Variants in KRT18 observed in about 807,000 individuals in gnomAD.
KRT18 encodes the protein keratin 18, also known as keratin, type I cytoskeletal 18.
KRT18 carries 8 observed loss-of-function variants against 39.9 expected under a neutral mutation model. The observed-to-expected ratio is 0.20, with a 90% CI of 0.12 to 0.36. The LOEUF (loss-of-function observed/expected upper bound fraction) is 0.36, where lower values mean the gene tolerates loss of function less well. KRT18 is among the 10% of genes least tolerant of loss of function. The pLI is 1.00. For missense variants in KRT18, 396 were observed against 565.7 expected (o/e 0.70, Z 3.04); for synonymous variants, 194 against 227.8 (o/e 0.85, Z 1.33).
At chr12:52,950,673 T>G in intron 2 of KRT18, 77 bp from the exon 3 acceptor site, 2 of 1,488,574 alleles carry the variant, frequency 1.3e-6, no homozygotes, top group South Asian at 2.4e-5. Context: ...GCACAGAACT[T>G]CTCTTAGTAG....
chr12:52,952,785 G>A lies in KRT18; in HGVS notation c.1236G>A (p.Arg412=), dbSNP rs142940942. Residue 412 remains arginine, a synonymous_variant, in exon 7 of 7, where the codon CGG becomes CGA. Transcript: ENST00000388835. The part of the protein sequence containing the change: ...MQTIQKTTTR[R]IVDGKVVSET... ...CCATCCAAAAGACCACCACCCGCCG[G>A]ATAGTGGATGGCAAAGTGGTGTCTG... The A allele has an allele frequency of 6.2e-7, 1 of 1,613,108 alleles. No individual in the cohort carries two copies. Among genetic ancestry groups the A allele is most frequent in the Non-Finnish European group, 8.5e-7 (1 of 1,179,836 alleles).
intron 2 of KRT18, 70 bp from the exon 3 acceptor site, chr12:52,950,680 G>C: frequency 6.6e-7 from 1 of 1,506,314 alleles, no homozygotes; most frequent in Non-Finnish European, 9.1e-7. Context: ...ACTTCTCTTA[G>C]TAGGTGGCAT....
chr12:52,949,588 C>G lies in KRT18; in HGVS notation c.415C>G (p.Gln139Glu). Residue 139 changes from glutamine (Q) to glutamate (E), a missense_variant and splice_region_variant, in exon 1 of 7, where the codon CAG (glutamine) becomes GAG (glutamate). Physicochemically the swap from Gln to Glu is conservative, Grantham distance 29. Transcript: ENST00000388835. ...CAAGATCATCGAGGACCTGAGGGCT[C>G]AGGTAAGGGGTAGGAGGGACCTCAA... ...YFKIIEDLRAQIFANTVDNAR... is the reference protein window; with the variant it reads ...YFKIIEDLRAEIFANTVDNAR... 1 of 1,613,350 alleles carries G rather than the reference C, an allele frequency of 6.2e-7. No homozygotes were observed. Among genetic ancestry groups the G allele is most frequent in the Non-Finnish European group, 8.5e-7 (1 of 1,179,512 alleles).
At chr12:52,951,946 T>C in intron 5 of KRT18, 90 bp downstream of exon 5, 1 of 1,508,128 alleles carries the variant, frequency 6.6e-7, no homozygotes, top group Admixed American at 1.7e-5. Context: ...CCTCATATCA[T>C]GAGTTCCTTT....
chr12:52,951,898 G>C (rs1942497299), intron 5 of KRT18, 42 bp downstream of exon 5: 1 of 1,603,186 alleles, frequency 6.2e-7, no homozygotes, highest in Non-Finnish European at 8.5e-7. Context: ...TCCTTCACTT[G>C]GCCTCAGACC....
At chr12:52,952,062 G>T in intron 5 of KRT18, 57 bp from the exon 6 acceptor site, 1 of 1,429,300 alleles carries the variant, frequency 7.0e-7, no homozygotes, top group South Asian at 1.2e-5. Flanking sequence ...AAAGTGAAGG[G>T]ATGAGCAGTC....
chr12:52,951,407 G>C (rs980728318), intron 3 of KRT18, 74 bp from the exon 4 acceptor site: 20 of 1,442,114 alleles, frequency 1.4e-5, no homozygotes, highest in Non-Finnish European at 1.7e-5. Flanking sequence ...TCCTAGAAGA[G>C]GCAATCACAG....
Position 52,951,570 on chromosome 12 carries a change from G to T in KRT18, c.747G>T (p.Met249Ile). ...APKSQDLAKI[M>I]ADIRAQYDEL... The stretch of plus-strand genomic sequence containing the variant: ...AATCTCAGGACCTCGCCAAGATCAT[G>T]GCAGACATCCGGGCCCAATATGACG... Residue 249 changes from methionine (M) to isoleucine (I), a missense_variant, in exon 4 of 7, where the codon ATG (methionine) becomes ATT (isoleucine). Physicochemically the swap from Met to Ile is conservative, Grantham distance 10 (BLOSUM62 1). Transcript: ENST00000388835. 6.2e-7 allele frequency: 1 copy of T among 1,614,194 alleles called. No homozygotes were observed. Among genetic ancestry groups the T allele is most frequent in the Non-Finnish European group, 8.5e-7 (1 of 1,180,030 alleles).
At chr12:52,950,485 T>A in intron 2 of KRT18, 75 bp downstream of exon 2, 2 of 1,095,572 alleles carry the variant, frequency 1.8e-6, no homozygotes, top group Non-Finnish European at 1.4e-6. Context: ...CTGGGTCAGT[T>A]AGGGGCTCAC....
intron 5 of KRT18, 23 bp from the exon 6 acceptor site, chr12:52,952,096 C>G: frequency 1.3e-6 from 2 of 1,525,796 alleles, no homozygotes; most frequent in African/African-American, 1.4e-5. Flanking sequence ...CTCACCCTGC[C>G]CCTCCTCTCT....
chr12:52,952,513 C>A (rs762928965), intron 6 of KRT18, 171 bp downstream of exon 6: 21 of 755,580 alleles, frequency 2.8e-5, no homozygotes, highest in Non-Finnish European at 4.4e-5. Flanking sequence ...ACAGAGGTCT[C>A]CCCCTTGAAG....
At chr12:52,948,934 G>T (rs79477652), upstream of KRT18, 71 of 435,322 alleles carry the variant, frequency 1.6e-4, no homozygotes, top group South Asian at 4.8e-3. Context: ...CCCCGTTTCT[G>T]GGGGGTGAGC....
rs1160077976 is a variant in KRT18, at chr12:52,949,604, G to C, written c.417+14G>C. 1.9e-6 allele frequency: 3 copies of C among 1,609,824 alleles called. No homozygotes were observed. The African/African-American group carries it at 4.0e-5, about 22-fold the overall frequency. ...CTGAGGGCTCAGGTAAGGGGTAGGA[G>C]GGACCTCAACTCCCAGCCTTGTCTG... On this transcript the variant is annotated intron_variant, in intron 1 of 6. Coordinates refer to ENST00000388835, the MANE Select transcript of KRT18 (RefSeq NM_000224.3).
intron 6 of KRT18, 132 bp from the exon 7 acceptor site, chr12:52,952,590 T>A (rs1048045337): frequency 1.9e-6 from 2 of 1,078,698 alleles, no homozygotes; most frequent in Non-Finnish European, 2.8e-6. Flanking sequence ...TGAGTTTCCC[T>A]TTTCTGGAGG....
chr12:52,949,794 A>C (rs1942445649), intron 1 of KRT18: 1 of 710,436 alleles, frequency 1.4e-6, no homozygotes, highest in African/African-American at 1.7e-5. Context: ...CCCAGGAGAG[A>C]GGGGGAAGGG....
chr12:52,950,507 G>A, intron 2 of KRT18, 97 bp downstream of exon 2: 1 of 923,030 alleles, frequency 1.1e-6, no homozygotes, highest in South Asian at 1.3e-5. Context: ...GTGGGATCCT[G>A]TTAGGTGTGG....
chr12:52,952,054 A>C (rs1000081371), intron 5 of KRT18, 65 bp from the exon 6 acceptor site: 12 of 1,421,456 alleles, frequency 8.4e-6, no homozygotes, highest in Non-Finnish European at 1.2e-5. Context: ...AGTTTCCAAA[A>C]GTGAAGGGAT....
At chr12:52,949,055 C>G, upstream of KRT18, 1 of 966,840 alleles carries the variant, frequency 1.0e-6, no homozygotes, top group Admixed American at 2.0e-5. Context: ...GCTTCCGAAG[C>G]GGCTCCGGGG....
At chr12:52,949,053 A>G (rs1382803725), upstream of KRT18, 1 of 955,614 alleles carries the variant, frequency 1.0e-6, no homozygotes, top group African/African-American at 1.7e-5. Flanking sequence ...CGGCTTCCGA[A>G]GCGGCTCCGG....
Sources: allele counts gnomAD v4.1 joint callset, GRCh38; gene constraint gnomAD v4.1.1; transcripts MANE v1.5; gene names NCBI Gene and HGNC (gene_info 2026-07-23, HGNC 2026-07-21).